Variants in UBE3C observed in about 807,000 individuals in gnomAD.
The protein encoded by UBE3C is ubiquitin-protein ligase E3C.
In UBE3C, 42 loss-of-function variants were observed where a neutral mutation model predicts 129.4. The observed-to-expected ratio is 0.32, with a 90% CI of 0.25 to 0.42. The LOEUF (loss-of-function observed/expected upper bound fraction) is 0.42. UBE3C is among the 10% of genes least tolerant of loss of function. The pLI is 1.00. For missense variants in UBE3C, 1,049 were observed against 1,319.1 expected (o/e 0.80, Z 3.17); for synonymous variants, 510 against 492.4 (o/e 1.04, Z -0.47).
intron 5 of UBE3C, among the ~76,000 whole-genome samples, chr7:157,176,154 A>T (rs1046744473): frequency 1.3e-5 from 2 of 152,210 alleles, no homozygotes; most frequent in South Asian, 2.1e-4. Flanking sequence ...TTTTATTTTT[A>T]AAAATTTCTA....
At chr7:157,183,815 T>C in intron 8 of UBE3C, 63 bp from the exon 9 acceptor site, 1 of 1,551,422 alleles carries the variant, frequency 6.4e-7, no homozygotes, top group Non-Finnish European at 8.7e-7. Context: ...AATGGCGTCT[T>C]CGTTTTCCAT....
In UBE3C at chr7:157,152,241, G is replaced by A. The variant is rs74671488; in HGVS notation, c.67-11569G>A. On this transcript the variant is annotated intron_variant, in intron 1 of 22. Coordinates refer to ENST00000348165, the MANE Select transcript of UBE3C (RefSeq NM_014671.3). ...AAGGTAGTCAGGGAGAGAGCTGGGG[G>A]AAAGGTAATTAGGGACAGAGCTGGG... Among the ~76,000 whole-genome samples the A allele has an allele frequency of 6.9e-3, 1,044 of 152,178 alleles. 18 individuals are homozygous for A. The highest frequency in any genetic ancestry group is 0.046 in the South Asian group (224 of 4,820).
rs565192077 is a variant in UBE3C at position 157,264,617 on chromosome 7, T to C, written c.3082-2968T>C. ...TATTTTTAAGACAGAGTTTCACTCT[T>C]ATTGCCCAGGCTGGAGTGCAATGCG... On this transcript the variant is annotated intron_variant, in intron 22 of 22. Transcript: ENST00000348165. 1.8e-4 allele frequency among the ~76,000 whole-genome samples: 28 copies of C among 152,286 alleles called. No individual in the cohort carries two copies. In the South Asian group the frequency reaches 3.9e-3, roughly 21 times the overall value.
Position 157,242,093 on chromosome 7 carries a change from C to T in UBE3C, c.2482-6275C>T, listed in dbSNP as rs547932492. Reference sequence around the variant, plus strand: ...TTGTGGCGATGGTCATACAACTTTACGAATATAATAAAACCTTTGAATGTA... The same window carrying T: ...TTGTGGCGATGGTCATACAACTTTATGAATATAATAAAACCTTTGAATGTA... On this transcript the variant is annotated intron_variant, in intron 18 of 22. Transcript: ENST00000348165. Among the ~76,000 whole-genome samples, 113 of 152,214 alleles carry T rather than the reference C, an allele frequency of 7.4e-4. No homozygotes were observed. In the South Asian group the frequency reaches 0.022, roughly 30 times the overall value.
intron 8 of UBE3C, among the ~76,000 whole-genome samples, chr7:157,183,343 T>G (rs993918238): frequency 1.1e-4 from 16 of 152,192 alleles, no homozygotes; most frequent in African/African-American, 3.6e-4. Context: ...GATTGGTAAT[T>G]GACTAAGACA....
At chr7:157,197,341 GATTT>G (rs1809149373) in intron 10 of UBE3C, among the ~76,000 whole-genome samples, 2 of 152,212 alleles carry the variant, frequency 1.3e-5, no homozygotes, top group African/African-American at 4.8e-5. Context: ...GTAACAAACT[GATTT>G]GCCTACAAAT....
At chr7:157,197,845 C>T in intron 10 of UBE3C, 1 of 1,610,482 alleles carries the variant, frequency 6.2e-7, no homozygotes, top group Non-Finnish European at 8.5e-7. Context: ...ACTGAATCAT[C>T]AATAAGAACA....
intron 2 of UBE3C, among the ~76,000 whole-genome samples, chr7:157,166,940 TG>T: frequency 1.4e-5 from 2 of 141,066 alleles, no homozygotes; most frequent in African/African-American, 2.9e-5. Context: ...GTGGTGGTGG[TG>T]GTTTTTGAGA....
intron 7 of UBE3C, 67 bp downstream of exon 7, chr7:157,181,738 A>G (rs960920611): frequency 7.3e-5 from 112 of 1,542,734 alleles, no homozygotes; most frequent in Admixed American, 2.9e-4. Context: ...TAACTTTTAC[A>G]TAGGATGTGA....
At chr7:157,214,642 C>G (rs990223833) in intron 13 of UBE3C, among the ~76,000 whole-genome samples, 2 of 152,168 alleles carry the variant, frequency 1.3e-5, no homozygotes, top group African/African-American at 4.8e-5. Flanking sequence ...AAAGACCAGA[C>G]ACGAACATCT....
intron 18 of UBE3C, among the ~76,000 whole-genome samples, chr7:157,242,514 G>GT (rs33913991): frequency 6.1e-4 from 68 of 112,104 alleles, no homozygotes; most frequent in Non-Finnish European, 7.0e-4. Flanking sequence ...AGCCTGAGTT[G>GT]TTTTTTTTTT....
rs2116730792 is a variant in UBE3C at position 157,269,064 on chromosome 7, AAAC to A, written c.*1312_*1314del. 6.5e-6 allele frequency: 1 copy of A among 152,790 alleles called. No individual in the cohort carries two copies. Among genetic ancestry groups the A allele is most frequent in the East Asian group, 1.9e-4 (1 of 5,190 alleles). 9.5% of individuals were successfully genotyped at this position (152,790 alleles called of 1,614,324 possible). On this transcript the variant is annotated 3_prime_UTR_variant, in exon 23 of 23. Coordinates refer to ENST00000348165, the MANE Select transcript of UBE3C (RefSeq NM_014671.3). ...ACTTTTAAGACAATGAACATTATCA[AAAC>A]AAAATGTATAATTTCTTAATTTGAA...
In UBE3C at chr7:157,139,476, T is replaced by G; in HGVS notation, c.66+138T>G. ...GATTCGGGGCCTCCCTGGCGGGGAC[T>G]CGGGGCTTCCTCGCCGGATCTCGGG... On this transcript the variant is annotated intron_variant, in intron 1 of 22. Transcript: ENST00000348165. 6 of 742,148 alleles carry G rather than the reference T, an allele frequency of 8.1e-6. No individual in the cohort carries two copies. In the South Asian group the frequency reaches 1.3e-4, roughly 17 times the overall value. The allele number at this position is 742,148 out of a possible 1,614,324, so 46.0% of individuals were successfully genotyped here.
At chr7:157,210,201 C>CT (rs956676744) in intron 13 of UBE3C, among the ~76,000 whole-genome samples, 1 of 151,768 alleles carries the variant, frequency 6.6e-6, no homozygotes, top group Non-Finnish European at 1.5e-5. Context: ...GAAAATTTAC[C>CT]TTTTTTTTGT....
intron 4 of UBE3C, among the ~76,000 whole-genome samples, chr7:157,174,625 G>A (rs1444468303): frequency 6.6e-6 from 1 of 151,952 alleles, no homozygotes; most frequent in Admixed American, 6.6e-5. Flanking sequence ...GCTAATTTTT[G>A]TATTTTTTTG....
chr7:157,140,305 A>T (rs1807407041), intron 1 of UBE3C, among the ~76,000 whole-genome samples: 1 of 152,270 alleles, frequency 6.6e-6, no homozygotes, highest in South Asian at 2.1e-4. Context: ...CCAAGGAGGA[A>T]CTGCTGTTAT....
intron 15 of UBE3C, chr7:157,221,944 A>G (rs1795749527): frequency 6.6e-6 from 1 of 152,164 alleles, no homozygotes; most frequent in South Asian, 2.1e-4. Context: ...ATCACGGCTC[A>G]CTGCAGCCTT....
At chr7:157,189,643 A>G (rs955118321) in intron 10 of UBE3C, among the ~76,000 whole-genome samples, 3 of 152,106 alleles carry the variant, frequency 2.0e-5, no homozygotes, top group Non-Finnish European at 4.4e-5. Flanking sequence ...TGTATTTCAC[A>G]TTCCTCGTCC....
intron 18 of UBE3C, among the ~76,000 whole-genome samples, chr7:157,235,911 C>T (rs1796141097): frequency 6.6e-6 from 1 of 152,196 alleles, no homozygotes; most frequent in African/African-American, 2.4e-5. Context: ...AGTACAGCAG[C>T]TGATAGTGTG....
Sources: allele counts gnomAD v4.1 joint callset (sites outside exome capture counted in the v4.1 genomes callset), GRCh38; gene constraint gnomAD v4.1.1; transcripts MANE v1.5; gene names NCBI Gene and HGNC (gene_info 2026-07-23, HGNC 2026-07-21).